Variants in IGSF21 observed in about 807,000 individuals in gnomAD.
IGSF21 encodes the protein immunoglobulin superfamily member 21.
IGSF21 carries 28 observed loss-of-function variants against 46.8 expected under a neutral mutation model. The observed-to-expected ratio is 0.60, with a 90% CI of 0.44 to 0.82. The LOEUF is 0.82. Ranked by LOEUF, IGSF21 falls within the 40% of genes least tolerant of loss-of-function variation. The pLI is 0.00. For synonymous variants in IGSF21, 284 were observed against 273.6 expected (o/e 1.04, Z -0.38); for missense variants, 624 against 665.5 (o/e 0.94, Z 0.69).
chr1:18,335,218 G>T lies in IGSF21; in HGVS notation c.424+208G>T, dbSNP rs1411625570. ...ACCCGTGAAGTCTTGCCCCCCATGG[G>T]CCTCCCCTCAGGAGGTCCCCTTCTC... On this transcript the variant is annotated intron_variant, in intron 4 of 9. Coordinates refer to ENST00000251296, the MANE Select transcript of IGSF21 (RefSeq NM_032880.5). The surrounding 1 kb of genome is among the most constrained non-coding windows in gnomAD (Gnocchi z 4.8). Among the ~76,000 whole-genome samples, 1 of 152,180 alleles carries T rather than the reference G, an allele frequency of 6.6e-6. No homozygotes were observed. Among genetic ancestry groups the T allele is most frequent in the Admixed American group, 6.5e-5 (1 of 15,284 alleles).
chr1:18,341,167 G>A (rs1377918266), intron 4 of IGSF21, among the ~76,000 whole-genome samples: 3 of 138,280 alleles, frequency 2.2e-5, no homozygotes, highest in Non-Finnish European at 3.1e-5. Flanking sequence ...GTCTTGCTCT[G>A]TTGCCCAGGG....
chr1:18,150,374 T>C (rs12404317), intron 1 of IGSF21, among the ~76,000 whole-genome samples: 56,793 of 151,750 alleles, frequency 0.37, 11,084 homozygotes, highest in East Asian at 0.58. Context: ...TGGAGACAGT[T>C]CACTTGTAAC....
At chr1:18,190,447 A>G (rs922173949) in intron 1 of IGSF21, among the ~76,000 whole-genome samples, 1 of 152,244 alleles carries the variant, frequency 6.6e-6, no homozygotes, top group Admixed American at 6.5e-5. Context: ...ATGTGTGCAC[A>G]AGATTCCTGG....
intron 2 of IGSF21, among the ~76,000 whole-genome samples, chr1:18,235,367 G>A (rs1365793487): frequency 2.6e-5 from 4 of 152,160 alleles, no homozygotes; most frequent in Non-Finnish European, 4.4e-5. Context: ...TTTACCATGG[G>A]GGAGGAGTTA....
chr1:18,311,985 C>T (rs2085493244), intron 3 of IGSF21, among the ~76,000 whole-genome samples: 1 of 152,326 alleles, frequency 6.6e-6, no homozygotes, highest in Middle Eastern at 3.4e-3. Flanking sequence ...GCTCAGGTGT[C>T]ACCTCCCCAG....
At chr1:18,353,415 T>C (rs2085981314) in intron 4 of IGSF21, among the ~76,000 whole-genome samples, 1 of 152,078 alleles carries the variant, frequency 6.6e-6, no homozygotes, top group South Asian at 2.1e-4. Flanking sequence ...AAAATACGTA[T>C]TGAGCAAATC....
At chr1:18,367,656 G>GGA (rs1338180857) in intron 6 of IGSF21, among the ~76,000 whole-genome samples, 1 of 130,352 alleles carries the variant, frequency 7.7e-6, no homozygotes, top group African/African-American at 2.9e-5. Flanking sequence ...CACCCAGGCT[G>GGA]GAGTGCAGTG....
chr1:18,267,729 G>C (rs757300814), intron 2 of IGSF21, among the ~76,000 whole-genome samples: 1 of 152,166 alleles, frequency 6.6e-6, no homozygotes, highest in East Asian at 1.9e-4. Flanking sequence ...TGGGTCCACC[G>C]TCAGAGTTGG....
At chr1:18,188,544 C>G (rs149369563) in intron 1 of IGSF21, among the ~76,000 whole-genome samples, 79 of 152,188 alleles carry the variant, frequency 5.2e-4, no homozygotes, top group African/African-American at 1.8e-3. Flanking sequence ...ATAACGGTGA[C>G]ATTTTGGAAC....
intron 1 of IGSF21, among the ~76,000 whole-genome samples, chr1:18,216,642 T>C (rs10796444): frequency 0.1 from 15,219 of 152,002 alleles, 848 homozygotes; most frequent in East Asian, 0.14. Context: ...AATTGATCCG[T>C]CTTAGAGACT....
chr1:18,332,789 G>A (rs1328957439), intron 3 of IGSF21, among the ~76,000 whole-genome samples: 1 of 152,150 alleles, frequency 6.6e-6, no homozygotes. Context: ...TGTGTTCTAT[G>A]TAAATGAAGG....
intron 4 of IGSF21, among the ~76,000 whole-genome samples, chr1:18,353,219 T>C (rs2085976431): frequency 6.6e-6 from 1 of 152,002 alleles, no homozygotes; most frequent in Non-Finnish European, 1.5e-5. Context: ...GAGTTGCACT[T>C]TTTTTTCCCT....
At chr1:18,202,774 A>T (rs890220747) in intron 1 of IGSF21, among the ~76,000 whole-genome samples, 1 of 152,218 alleles carries the variant, frequency 6.6e-6, no homozygotes, top group South Asian at 2.1e-4. Context: ...ACAAAGCCAA[A>T]CCATATCAAT....
intron 6 of IGSF21, among the ~76,000 whole-genome samples, chr1:18,374,186 T>C (rs1055383128): frequency 6.6e-6 from 1 of 152,174 alleles, no homozygotes; most frequent in African/African-American, 2.4e-5. Context: ...TGGTTTCCCA[T>C]CTGCAAAACG....
intron 4 of IGSF21, among the ~76,000 whole-genome samples, chr1:18,360,644 G>T (rs1379810750): frequency 6.6e-6 from 1 of 152,138 alleles, no homozygotes; most frequent in Non-Finnish European, 1.5e-5. Flanking sequence ...GTGTCCCAAG[G>T]CTGGGTAAAT....
chr1:18,261,051 T>C (rs1033185807), intron 2 of IGSF21, among the ~76,000 whole-genome samples: 3 of 152,208 alleles, frequency 2.0e-5, no homozygotes, highest in African/African-American at 7.2e-5. Flanking sequence ...CTATCTCTTG[T>C]ATTTTGATTC....
intron 1 of IGSF21, among the ~76,000 whole-genome samples, chr1:18,169,453 G>T (rs2086713588): frequency 6.6e-6 from 1 of 152,192 alleles, no homozygotes; most frequent in African/African-American, 2.4e-5. Context: ...TGGTGCTGGG[G>T]TCCTCTGCTC....
At chr1:18,212,370 C>T (rs1263241593) in intron 1 of IGSF21, among the ~76,000 whole-genome samples, 2 of 152,240 alleles carry the variant, frequency 1.3e-5, no homozygotes, top group Admixed American at 1.3e-4. Context: ...AATCTCTCAG[C>T]ACTAGTGGTC....
At chr1:18,296,342 A>G (rs1249841080) in intron 3 of IGSF21, among the ~76,000 whole-genome samples, 1 of 152,228 alleles carries the variant, frequency 6.6e-6, no homozygotes, top group African/African-American at 2.4e-5. Context: ...TAGTTTGTAT[A>G]CGTTTTAGGT....
Sources: allele counts gnomAD v4.1 joint callset (sites outside exome capture counted in the v4.1 genomes callset), GRCh38; gene constraint gnomAD v4.1.1; non-coding constraint Gnocchi (gnomAD v3.1); transcripts MANE v1.5; gene names NCBI Gene and HGNC (gene_info 2026-07-23, HGNC 2026-07-21).